The following ZNF141 variants were observed in gnomAD, a reference collection of about 807,000 sequenced individuals.
The protein encoded by ZNF141 is zinc finger protein 141 (clone pHZ-44).
Under a neutral mutation model 11.3 loss-of-function variants are expected in ZNF141, and 7 were observed. The observed-to-expected ratio is 0.62, with a 90% confidence interval of 0.35 to 1.16. The LOEUF is 1.16. Ranked by LOEUF, ZNF141 falls within the 50% of genes most tolerant of loss-of-function variation. The pLI, the probability that ZNF141 is intolerant of heterozygous loss-of-function variation, is 0.02. For missense variants in ZNF141, 535 were observed against 554.0 expected, an observed-to-expected ratio of 0.97 and a Z score of 0.34; for synonymous variants, 183 against 190.7, an observed-to-expected ratio of 0.96 and a Z score of 0.33.
At chr4:342,729 G>C in intron 1 of ZNF141, 1 of 1,219,582 alleles carries the variant, frequency 8.2e-7, no homozygotes, top group South Asian at 1.2e-5. Flanking sequence ...CCTGTCCATT[G>C]TTCTGGGTGA....
Position 380,942 on chromosome 4 carries a change from T to G in ZNF141, c.*7080T>G, listed in dbSNP as rs1267856613. Reference sequence around the variant, plus strand: ...CAGAAAAGAGAAATACTTCCTGTATTTAAACCATATAAACTCTAGAATTGC... The same window carrying G: ...CAGAAAAGAGAAATACTTCCTGTATGTAAACCATATAAACTCTAGAATTGC... On this transcript the variant is annotated 3_prime_UTR_variant, in exon 4 of 4. Coordinates refer to ENST00000240499, the MANE Select transcript of ZNF141 (RefSeq NM_003441.4). 6.6e-6 allele frequency among the ~76,000 whole-genome samples: 1 copy of G among 152,206 alleles called. No homozygotes were observed. The highest frequency in any genetic ancestry group is 1.5e-5 in the Non-Finnish European group (1 of 68,036).
At chr4:365,743 A>C (rs917441906) in intron 3 of ZNF141, among the ~76,000 whole-genome samples, 2 of 152,136 alleles carry the variant, frequency 1.3e-5, no homozygotes, top group East Asian at 3.9e-4. Context: ...GCATTCCTCT[A>C]TGTTTATCCA....
chr4:368,071 C>G (rs1711835207), intron 3 of ZNF141, among the ~76,000 whole-genome samples: 1 of 152,160 alleles, frequency 6.6e-6, no homozygotes. Flanking sequence ...ATTCTGTTTT[C>G]TATTTTAGAG....
rs34905613 is a variant in ZNF141 at position 381,946 on chromosome 4, C to CTTTTTTTTTTTTTTTTTTTTTT, written c.*8103_*8104insTTTTTTTTTTTTTTTTTTTTTT. On this transcript the variant is annotated 3_prime_UTR_variant, in exon 4 of 4. Coordinates refer to ENST00000240499, the MANE Select transcript of ZNF141 (RefSeq NM_003441.4). ...CTAGGGCCACCACCATCTCTGGGAA[C>CTTTTTTTTTTTTTTTTTTTTTT]TTTTTTTTTTTTTTTTTTTGAGACG... Among the ~76,000 whole-genome samples, 332 of 105,898 alleles carry CTTTTTTTTTTTTTTTTTTTTTT rather than the reference C, an allele frequency of 3.1e-3. 21 individuals carry two copies. The highest frequency in any genetic ancestry group is 8.5e-3 in the East Asian group (32 of 3,786). 69.5% of individuals were successfully genotyped at this position (105,898 alleles called of 152,430 possible). A position where few individuals can be genotyped will look rare whatever the true frequency, so the allele number is the denominator to read the frequency against.
chr4:365,190 A>G (rs1711681669), intron 3 of ZNF141, among the ~76,000 whole-genome samples: 1 of 152,184 alleles, frequency 6.6e-6, no homozygotes, highest in Non-Finnish European at 1.5e-5. Flanking sequence ...CATTGGAAAA[A>G]CACAGTATTT....
At chr4:356,891 T>G (rs1375917178) in intron 3 of ZNF141, among the ~76,000 whole-genome samples, 3 of 140,250 alleles carry the variant, frequency 2.1e-5, no homozygotes, top group African/African-American at 2.9e-5. Context: ...CATCTACTAG[T>G]TTTTTTTTTG....
chr4:359,702 C>T (rs1207233302), intron 3 of ZNF141, among the ~76,000 whole-genome samples: 1 of 152,148 alleles, frequency 6.6e-6, no homozygotes, highest in Non-Finnish European at 1.5e-5. Flanking sequence ...GGGCAGGTCA[C>T]AGGTCAGGAA....
At chr4:368,531 C>T (rs1711862540) in intron 3 of ZNF141, among the ~76,000 whole-genome samples, 1 of 152,212 alleles carries the variant, frequency 6.6e-6, no homozygotes, top group Admixed American at 6.6e-5. Flanking sequence ...CATGAGCCAC[C>T]ATGCCTGGCC....
At position 382,897 on chromosome 4, in the gene ZNF141, A is replaced by G; in HGVS notation, c.*9035A>G. The G allele has an allele frequency of 2.1e-6, 1 of 470,406 alleles. No homozygotes were observed. The highest frequency in any genetic ancestry group is 3.8e-6 in the Non-Finnish European group (1 of 265,792). The allele number at this position is 470,406 out of a possible 1,614,324, so 29.1% of individuals were successfully genotyped here. ...ACATCTACAAGAAAAGTCATGATAA[A>G]ATTGATTGCAAAAACAGCAATTTGA... On this transcript the variant is annotated 3_prime_UTR_variant, in exon 4 of 4. Coordinates refer to ENST00000240499, the MANE Select transcript of ZNF141 (RefSeq NM_003441.4).
intron 3 of ZNF141, among the ~76,000 whole-genome samples, chr4:362,026 C>T (rs1553852254): frequency 1.3e-5 from 2 of 152,220 alleles, no homozygotes. Flanking sequence ...TCTCCACATC[C>T]TCTCCAGCAC....
rs1553855918 is a variant in ZNF141, at chr4:383,190, C to A, written c.*9328C>A. On this transcript the variant is annotated 3_prime_UTR_variant, in exon 4 of 4. Coordinates refer to ENST00000240499, the MANE Select transcript of ZNF141 (RefSeq NM_003441.4). ...TGCCTCAGTTTACAGACAGCTCACT[C>A]ACAGAAGCAGAGCCACCTAATTCAC... 1 of 700,102 alleles carries A rather than the reference C, an allele frequency of 1.4e-6. No homozygotes were observed. Among genetic ancestry groups the A allele is most frequent in the South Asian group, 1.5e-5 (1 of 67,162 alleles). The allele number at this position is 700,102 out of a possible 1,614,324, so 43.4% of individuals were successfully genotyped here.
At position 381,083 on chromosome 4, in the gene ZNF141, CT is replaced by C. The variant is rs1712593164; in HGVS notation, c.*7222del. 2.0e-5 allele frequency among the ~76,000 whole-genome samples: 3 copies of C among 152,128 alleles called. No homozygotes were observed. The South Asian group carries it at 6.2e-4, about 31-fold the overall frequency. On this transcript the variant is annotated 3_prime_UTR_variant, in exon 4 of 4. Transcript: ENST00000240499. ...TACCTATACCTGTAGTCAGTAAATGCTGTAATGTAATTAAATATTATTTACT... is the reference window on the plus strand; with the variant it reads ...TACCTATACCTGTAGTCAGTAAATGCGTAATGTAATTAAATATTATTTACT...
intron 3 of ZNF141, among the ~76,000 whole-genome samples, chr4:350,725 C>G (rs571197162): frequency 5.3e-5 from 8 of 152,042 alleles, no homozygotes; most frequent in African/African-American, 1.4e-4. Context: ...AGTGAGTTCT[C>G]CCGAGATCTT....
At chr4:338,073 G>T in intron 1 of ZNF141, 87 bp downstream of exon 1, 1 of 1,578,098 alleles carries the variant, frequency 6.3e-7, no homozygotes, top group Non-Finnish European at 8.7e-7. Context: ...TCTGCGAACG[G>T]AGTCCCCGCT....
chr4:373,504 A>T lies in ZNF141; in HGVS notation c.1067A>T (p.Glu356Val). 1 of 1,614,034 alleles carries T rather than the reference A, an allele frequency of 6.2e-7. No homozygotes were observed. The highest frequency in any genetic ancestry group is 8.5e-7 in the Non-Finnish European group (1 of 1,179,932). ...KAFRQSSKLN[E>V]HKKVHTGERP... ...TTTAGACAGTCCTCAAAACTGAATG[A>T]ACATAAGAAAGTTCATACTGGAGAG... Residue 356 changes from glutamate to valine, a missense_variant, in exon 4 of 4, where the codon GAA (glutamate) becomes GTA (valine). Coordinates refer to ENST00000240499, the MANE Select transcript of ZNF141 (RefSeq NM_003441.4).
intron 1 of ZNF141, among the ~76,000 whole-genome samples, chr4:342,428 T>C (rs751290430): frequency 6.6e-6 from 1 of 152,186 alleles, no homozygotes; most frequent in Non-Finnish European, 1.5e-5. Flanking sequence ...GGTGTTGGGG[T>C]AAGGGACTCT....
At chr4:361,182 T>G (rs970766322) in intron 3 of ZNF141, among the ~76,000 whole-genome samples, 1 of 152,220 alleles carries the variant, frequency 6.6e-6, no homozygotes, top group East Asian at 1.9e-4. Flanking sequence ...TAATTTTATC[T>G]TACGAAAGTA....
chr4:361,712 C>CT (rs1711509359), intron 3 of ZNF141, among the ~76,000 whole-genome samples: 1 of 152,064 alleles, frequency 6.6e-6, no homozygotes, highest in African/African-American at 2.4e-5. Flanking sequence ...AGAACTCATC[C>CT]TTTTTTATGG....
chr4:365,611 C>T (rs1006674696), intron 3 of ZNF141, among the ~76,000 whole-genome samples: 5 of 152,108 alleles, frequency 3.3e-5, no homozygotes, highest in African/African-American at 7.2e-5. Context: ...ACTTTGTTAA[C>T]GTTTTCTTTG....
Sources: gnomAD v4.1 joint callset for allele counts (sites outside exome capture counted in the v4.1 genomes callset) on GRCh38, gnomAD v4.1.1 for gene constraint, MANE v1.5 for transcripts, NCBI Gene and HGNC (gene_info 2026-07-23, HGNC 2026-07-21) for gene names.